IFT43: variants seen among roughly 807,000 people sequenced by gnomAD.
The protein encoded by IFT43 is intraflagellar transport protein 43 homolog.
A neutral mutation model predicts 32.3 loss-of-function variants in IFT43; 33 were observed. The ratio of observed to expected loss-of-function variants is 1.02; its 90% CI spans 0.77 to 1.37. The LOEUF (loss-of-function observed/expected upper bound fraction) is 1.37. Ranked by LOEUF, IFT43 falls within the 40% of genes most tolerant of loss-of-function variation. The probability of loss-of-function intolerance (pLI) is 0.00; values close to 1 mark genes in which losing one functional copy is unlikely to be tolerated. For synonymous variants in IFT43, 93 were observed against 98.2 expected, an observed-to-expected ratio of 0.95 and a Z score of 0.31; for missense variants, 274 against 265.9, an observed-to-expected ratio of 1.03 and a Z score of -0.21.
At chr14:76,042,960 T>C (rs2036735023) in intron 3 of IFT43, among the ~76,000 whole-genome samples, 1 of 152,212 alleles carries the variant, frequency 6.6e-6, no homozygotes, top group Non-Finnish European at 1.5e-5. Flanking sequence ...GGGCCACCTT[T>C]TCCCCAAGTG....
chr14:76,075,495 T>C (rs1229863063), intron 5 of IFT43, among the ~76,000 whole-genome samples: 1 of 152,206 alleles, frequency 6.6e-6, no homozygotes, highest in Non-Finnish European at 1.5e-5. Flanking sequence ...TTCTCCATTT[T>C]TTGACTTAGA....
intron 3 of IFT43, among the ~76,000 whole-genome samples, chr14:76,039,983 C>T (rs2036677135): frequency 6.6e-6 from 1 of 152,184 alleles, no homozygotes. Flanking sequence ...AAAAGGGTCT[C>T]ACTCTGTCAC....
chr14:76,020,543 T>C (rs73311129), intron 2 of IFT43, among the ~76,000 whole-genome samples: 12,557 of 151,890 alleles, frequency 0.083, 1,016 homozygotes, highest in African/African-American at 0.2. Context: ...TAGATGTATC[T>C]ATGGTGTTGG....
At chr14:76,000,626 C>T (rs931032221) in intron 2 of IFT43, among the ~76,000 whole-genome samples, 3 of 152,122 alleles carry the variant, frequency 2.0e-5, no homozygotes, top group Middle Eastern at 3.2e-3. Context: ...GGCATCTCAC[C>T]AGTGGCATAT....
intron 5 of IFT43, among the ~76,000 whole-genome samples, chr14:76,061,450 C>T (rs1429672084): frequency 6.6e-6 from 1 of 152,096 alleles, no homozygotes; most frequent in African/African-American, 2.4e-5. Flanking sequence ...CTTCTAATTC[C>T]AAGTTTGTAT....
At chr14:76,007,184 A>G (rs950740123) in intron 2 of IFT43, among the ~76,000 whole-genome samples, 3 of 152,118 alleles carry the variant, frequency 2.0e-5, no homozygotes, top group Admixed American at 1.3e-4. Flanking sequence ...AATGGTATAT[A>G]GTAGGGATAG....
At chr14:76,075,138 G>A (rs146773697) in intron 5 of IFT43, among the ~76,000 whole-genome samples, 38 of 152,290 alleles carry the variant, frequency 2.5e-4, no homozygotes, top group Non-Finnish European at 4.9e-4. Context: ...CATATGCCCC[G>A]CTGTGTCTGC....
chr14:76,016,084 G>A, intron 2 of IFT43, among the ~76,000 whole-genome samples: 1 of 152,232 alleles, frequency 6.6e-6, no homozygotes, highest in East Asian at 1.9e-4. Context: ...TTTCTTGTTG[G>A]ATAAATAGTT....
chr14:76,022,373 G>A lies in IFT43; in HGVS notation c.194G>A (p.Gly65Asp), dbSNP rs2036308905. Residue 65 changes from glycine (G) to aspartate (D), a missense_variant, in exon 3 of 9, where the codon GGT becomes GAT. Physicochemically the swap from Gly to Asp is moderately conservative, Grantham distance 94. Coordinates refer to ENST00000314067, the MANE Select transcript of IFT43 (RefSeq NM_001102564.3). The stretch of plus-strand genomic sequence containing the variant: ...CGCTGCCGACAGGGAGGCTGGGCAG[G>A]TGATTCCGTGAAGGCTTCGAAGTGA... ...LPRCRQGGWA[G>D]DSVKASKFRR... 3 of 1,612,208 alleles carry A rather than the reference G, an allele frequency of 1.9e-6. No individual in the cohort carries two copies. Among genetic ancestry groups the A allele is most frequent in the Non-Finnish European group, 1.7e-6 (2 of 1,178,298 alleles).
intron 3 of IFT43, among the ~76,000 whole-genome samples, chr14:76,049,689 C>T (rs1414418791): frequency 6.7e-6 from 1 of 148,724 alleles, no homozygotes; most frequent in African/African-American, 2.5e-5. Context: ...CTTCTCCCCA[C>T]CCCCAACCCC....
intron 5 of IFT43, among the ~76,000 whole-genome samples, chr14:76,061,812 A>C (rs1364317104): frequency 6.6e-6 from 1 of 152,060 alleles, no homozygotes; most frequent in Admixed American, 6.5e-5. Flanking sequence ...ATTATGGCAT[A>C]TTTGCATTAT....
intron 2 of IFT43, among the ~76,000 whole-genome samples, chr14:75,989,252 A>G (rs1456120521): frequency 6.6e-6 from 1 of 151,934 alleles, no homozygotes; most frequent in Non-Finnish European, 1.5e-5. Flanking sequence ...AAGTTTCAAA[A>G]TCCAGTAGGA....
At chr14:76,067,462 C>T (rs1053492348) in intron 5 of IFT43, among the ~76,000 whole-genome samples, 4 of 151,746 alleles carry the variant, frequency 2.6e-5, no homozygotes, top group East Asian at 1.9e-4. Context: ...CCAAGCTACT[C>T]AGGAGGCTGA....
chr14:76,001,323 T>A (rs1369934161), intron 2 of IFT43, among the ~76,000 whole-genome samples: 1 of 152,238 alleles, frequency 6.6e-6, no homozygotes, highest in Admixed American at 6.5e-5. Flanking sequence ...TACTGGAGTC[T>A]TTGATGTTCA....
intron 6 of IFT43, 96 bp from the exon 7 acceptor site, chr14:76,082,521 C>T: frequency 6.9e-7 from 1 of 1,442,806 alleles, no homozygotes; most frequent in Non-Finnish European, 9.8e-7. Context: ...CTGGTCATCC[C>T]CTGCTGTATA....
chr14:76,059,318 T>G lies in IFT43; in HGVS notation c.249-9T>G, dbSNP rs773630500. ...TTTTTGCTGTCCTTTTCTTCTTTTT[T>G]GGGGGCAGTTTCCGCCTCAGACCAC... On this transcript the variant is annotated splice_polypyrimidine_tract_variant and intron_variant, in intron 4 of 8. Transcript: ENST00000314067. 4.5e-5 allele frequency: 72 copies of G among 1,613,932 alleles called. No homozygotes were observed. Among genetic ancestry groups the G allele is most frequent in the Admixed American group, 1.0e-4 (6 of 59,994 alleles).
chr14:76,013,583 G>A (rs60085166), intron 2 of IFT43: 1,919 of 176,568 alleles, frequency 0.011, 51 homozygotes, highest in African/African-American at 0.043. Flanking sequence ...AGGGAGAGCA[G>A]CCAAGTATTC....
intron 2 of IFT43, among the ~76,000 whole-genome samples, chr14:75,995,790 A>G (rs1180323947): frequency 6.6e-6 from 1 of 152,176 alleles, no homozygotes; most frequent in East Asian, 1.9e-4. Flanking sequence ...GATGCTTCTG[A>G]TAACGTTGCC....
intron 3 of IFT43, among the ~76,000 whole-genome samples, chr14:76,049,834 G>A (rs1757132244): frequency 6.7e-6 from 1 of 149,174 alleles, no homozygotes; most frequent in Non-Finnish European, 1.5e-5. Flanking sequence ...TAACTTGAAG[G>A]GGGAAAGCAA....
Sources: allele counts gnomAD v4.1 joint callset (sites outside exome capture counted in the v4.1 genomes callset), GRCh38; gene constraint gnomAD v4.1.1; transcripts MANE v1.5; gene names NCBI Gene and HGNC (gene_info 2026-07-23, HGNC 2026-07-21).